PBX3: variants seen among roughly 807,000 people sequenced by gnomAD.
The protein encoded by PBX3 is pre-B-cell leukemia transcription factor 3.
In PBX3, 14 loss-of-function variants were observed where a neutral mutation model predicts 48.5. The observed-to-expected ratio is 0.29, with a 90% CI of 0.19 to 0.45. The LOEUF (loss-of-function observed/expected upper bound fraction) is 0.45. Among genes scored for constraint, PBX3 ranks in the 20% least tolerant of loss-of-function variants. PBX3 has a pLI of 1.00. For missense variants in PBX3, 386 were observed against 546.7 expected, an observed-to-expected ratio of 0.71 and a Z score of 2.93; for synonymous variants, 210 against 200.3, an observed-to-expected ratio of 1.05 and a Z score of -0.41.
intron 2 of PBX3, among the ~76,000 whole-genome samples, chr9:125,786,748 G>A (rs1269513350): frequency 6.7e-6 from 1 of 149,594 alleles, no homozygotes; most frequent in South Asian, 2.1e-4. Context: ...TTTTTGAGAT[G>A]GAGTTTCGCT....
intron 2 of PBX3, among the ~76,000 whole-genome samples, chr9:125,830,355 T>C (rs1838924326): frequency 1.3e-5 from 2 of 152,184 alleles, no homozygotes; most frequent in African/African-American, 4.8e-5. Context: ...GATAGCACTG[T>C]GTCAGTTAAA....
intron 3 of PBX3, among the ~76,000 whole-genome samples, chr9:125,925,241 AAG>A (rs1206190087): frequency 6.6e-6 from 1 of 152,140 alleles, no homozygotes; most frequent in Non-Finnish European, 1.5e-5. Flanking sequence ...GCGTTTCCCG[AAG>A]AGTTTTTCCT....
At chr9:125,843,495 TAGAG>T (rs1839340848) in intron 2 of PBX3, among the ~76,000 whole-genome samples, 1 of 152,044 alleles carries the variant, frequency 6.6e-6, no homozygotes, top group Non-Finnish European at 1.5e-5. Flanking sequence ...AAGGTTGTAT[TAGAG>T]AGAGAAAATT....
At chr9:125,933,253 A>G (rs1419066320) in intron 4 of PBX3, among the ~76,000 whole-genome samples, 3 of 152,194 alleles carry the variant, frequency 2.0e-5, no homozygotes, top group Non-Finnish European at 4.4e-5. Context: ...CTGACTTCCC[A>G]TGCTCATGTT....
At position 125,966,847 on chromosome 9, in the gene PBX3, C is replaced by T. The variant is rs1842543626; in HGVS notation, c.*924C>T. ...AGAGTGCTCACTTACTACCTCTGAA[C>T]AATACTCACGCTGTAGTTTGTCTCT... On this transcript the variant is annotated 3_prime_UTR_variant, in exon 9 of 9. Coordinates refer to ENST00000373489, the MANE Select transcript of PBX3 (RefSeq NM_006195.6). 6.6e-6 allele frequency: 1 copy of T among 152,630 alleles called. No homozygotes were observed. The highest frequency in any genetic ancestry group is 3.2e-3 in the Middle Eastern group (1 of 316). 9.5% of individuals were successfully genotyped at this position (152,630 alleles called of 1,614,324 possible).
At chr9:125,752,968 A>G (rs1002989522) in intron 2 of PBX3, among the ~76,000 whole-genome samples, 1 of 152,054 alleles carries the variant, frequency 6.6e-6, no homozygotes, top group South Asian at 2.1e-4. Flanking sequence ...ACAACTTTTT[A>G]TTGTGGACAC....
chr9:125,756,690 A>G (rs1357562900), intron 2 of PBX3, among the ~76,000 whole-genome samples: 1 of 152,208 alleles, frequency 6.6e-6, no homozygotes, highest in Non-Finnish European at 1.5e-5. Flanking sequence ...CAAGGCAGGC[A>G]TCTCTTCGGT....
chr9:125,865,640 G>C (rs182352751), intron 2 of PBX3, among the ~76,000 whole-genome samples: 82 of 152,236 alleles, frequency 5.4e-4, no homozygotes, highest in Non-Finnish European at 1.1e-3. Context: ...GAACAGATCT[G>C]ATTGTTTTTG....
intron 2 of PBX3, among the ~76,000 whole-genome samples, chr9:125,761,494 C>T (rs1239629580): frequency 6.6e-6 from 1 of 151,910 alleles, no homozygotes; most frequent in Non-Finnish European, 1.5e-5. Flanking sequence ...TGAGGTTCAT[C>T]GAGAGAGCTT....
chr9:125,937,954 C>G (rs1052230946), intron 5 of PBX3, among the ~76,000 whole-genome samples: 3 of 152,194 alleles, frequency 2.0e-5, no homozygotes, highest in Non-Finnish European at 2.9e-5. Flanking sequence ...AACCACTACA[C>G]TTGGCTAACT....
chr9:125,848,975 GC>G (rs1274725917), intron 2 of PBX3, among the ~76,000 whole-genome samples: 1 of 151,892 alleles, frequency 6.6e-6, no homozygotes, highest in East Asian at 1.9e-4. Flanking sequence ...CTTATAATGT[GC>G]CAGGTACTCT....
intron 2 of PBX3, among the ~76,000 whole-genome samples, chr9:125,807,604 T>G (rs1020278032): frequency 6.6e-6 from 1 of 152,204 alleles, no homozygotes; most frequent in Non-Finnish European, 1.5e-5. Flanking sequence ...AAGGCTAGTA[T>G]GTAACCTACC....
chr9:125,811,842 A>C (rs1838299903), intron 2 of PBX3, among the ~76,000 whole-genome samples: 1 of 151,918 alleles, frequency 6.6e-6, no homozygotes, highest in African/African-American at 2.4e-5. Flanking sequence ...TGTCCTCATG[A>C]CCTATTTATC....
intron 4 of PBX3, 104 bp from the exon 5 acceptor site, chr9:125,935,367 GT>G: frequency 1.0e-6 from 1 of 965,570 alleles, no homozygotes; most frequent in Non-Finnish European, 1.6e-6. Context: ...CCTTAAGGAT[GT>G]TTAAAAAGAG....
At chr9:125,900,736 T>C (rs554215884) in intron 2 of PBX3, among the ~76,000 whole-genome samples, 58 of 151,864 alleles carry the variant, frequency 3.8e-4, no homozygotes, top group South Asian at 1.9e-3. Flanking sequence ...AAATATAACT[T>C]GATACCTTTT....
intron 2 of PBX3, among the ~76,000 whole-genome samples, chr9:125,863,869 C>G (rs1839920173): frequency 6.6e-6 from 1 of 152,006 alleles, no homozygotes; most frequent in Non-Finnish European, 1.5e-5. Context: ...ATGTAATTCC[C>G]CAGTTAAGAA....
At chr9:125,867,640 CAA>C (rs34050364) in intron 2 of PBX3, among the ~76,000 whole-genome samples, 1 of 92,182 alleles carries the variant, frequency 1.1e-5, no homozygotes, top group Non-Finnish European at 2.2e-5. Context: ...GACTCCATCT[CAA>C]AAAAAAAAAA....
At chr9:125,890,999 G>A (rs547066954) in intron 2 of PBX3, among the ~76,000 whole-genome samples, 1 of 152,218 alleles carries the variant, frequency 6.6e-6, no homozygotes, top group Admixed American at 6.5e-5. Flanking sequence ...TCAAGGCCAT[G>A]TGTAGTTGCC....
chr9:125,835,165 T>C (rs975941478), intron 2 of PBX3, among the ~76,000 whole-genome samples: 3 of 152,120 alleles, frequency 2.0e-5, no homozygotes, highest in South Asian at 2.1e-4. Flanking sequence ...TTACTACTTA[T>C]TGAGTGTTTA....
Sources: allele counts gnomAD v4.1 joint callset (sites outside exome capture counted in the v4.1 genomes callset), GRCh38; gene constraint gnomAD v4.1.1; transcripts MANE v1.5; gene names NCBI Gene and HGNC (gene_info 2026-07-23, HGNC 2026-07-21).